MAMDC2: variants seen among roughly 807,000 people sequenced by gnomAD.
MAMDC2 encodes MAM domain-containing protein 2.
A neutral mutation model predicts 89.8 loss-of-function variants in MAMDC2; 57 were observed. That is an observed-to-expected ratio of 0.63 (90% confidence interval 0.51 to 0.79). The LOEUF (loss-of-function observed/expected upper bound fraction) is 0.79, where lower values mean the gene tolerates loss of function less well. Among genes scored for constraint, MAMDC2 ranks in the 30% least tolerant of loss-of-function variants. The probability of loss-of-function intolerance (pLI) is 0.00; values close to 1 mark genes in which losing one functional copy is unlikely to be tolerated. For synonymous variants in MAMDC2, 313 were observed against 293.4 expected (o/e 1.07, Z -0.68); for missense variants, 800 against 820.6 (o/e 0.97, Z 0.31).
At chr9:70,085,988 C>T (rs1320759715) in intron 2 of MAMDC2, 1 of 151,920 alleles carries the variant, frequency 6.6e-6, no homozygotes, top group East Asian at 1.9e-4. Context: ...AAATATTCAG[C>T]TACTGTTGGC....
intron 6 of MAMDC2, among the ~76,000 whole-genome samples, chr9:70,129,620 G>C (rs1185587627): frequency 6.6e-6 from 1 of 152,188 alleles, no homozygotes; most frequent in Non-Finnish European, 1.5e-5. Flanking sequence ...GTGGTGATCT[G>C]TCTGGCTGTG....
intron 4 of MAMDC2, 84 bp from the exon 5 acceptor site, chr9:70,112,911 T>C (rs3015223): frequency 1.9e-6 from 3 of 1,540,130 alleles, no homozygotes; most frequent in African/African-American, 2.7e-5. Flanking sequence ...AACTTCTGAA[T>C]ATCTAAGAGC....
intron 2 of MAMDC2, among the ~76,000 whole-genome samples, chr9:70,103,223 G>A (rs3015199): frequency 0.064 from 9,751 of 152,174 alleles, 994 homozygotes; most frequent in African/African-American, 0.21. Context: ...ATGGTGTTCT[G>A]CATTATTCCC....
chr9:70,160,918 G>T (rs1044513207), intron 9 of MAMDC2, among the ~76,000 whole-genome samples: 2 of 152,150 alleles, frequency 1.3e-5, no homozygotes, highest in African/African-American at 4.8e-5. Flanking sequence ...ATTAACTGGG[G>T]AGTTGCATCA....
intron 8 of MAMDC2, among the ~76,000 whole-genome samples, chr9:70,141,000 T>C (rs560085343): frequency 3.3e-5 from 5 of 152,212 alleles, no homozygotes; most frequent in African/African-American, 9.6e-5. Context: ...AAGAGCTTGA[T>C]CTCTAGGAGT....
At chr9:70,182,250 G>A (rs1050718522) in intron 11 of MAMDC2, among the ~76,000 whole-genome samples, 3 of 152,090 alleles carry the variant, frequency 2.0e-5, no homozygotes, top group Non-Finnish European at 4.4e-5. Context: ...TGCTGGATTC[G>A]GTTGGTCAGT....
intron 2 of MAMDC2, among the ~76,000 whole-genome samples, chr9:70,077,007 A>T (rs1161835220): frequency 1.3e-5 from 2 of 152,152 alleles, no homozygotes; most frequent in Non-Finnish European, 2.9e-5. Context: ...ATGCCAGGTC[A>T]CTCTTTTTCT....
chr9:70,203,594 C>T (rs1221815034), intron 11 of MAMDC2, among the ~76,000 whole-genome samples: 5 of 76,614 alleles, frequency 6.5e-5, no homozygotes, highest in African/African-American at 2.0e-4. Context: ...TGAATCTGAA[C>T]GTTGGCCTGC....
intron 12 of MAMDC2, among the ~76,000 whole-genome samples, chr9:70,220,741 A>G (rs544883607): frequency 6.6e-6 from 1 of 152,298 alleles, no homozygotes; most frequent in South Asian, 2.1e-4. Flanking sequence ...CTCCTACCAT[A>G]GAAGTTCCAA....
chr9:70,133,621 C>G (rs1029748261), intron 7 of MAMDC2, among the ~76,000 whole-genome samples: 1 of 152,180 alleles, frequency 6.6e-6, no homozygotes, highest in African/African-American at 2.4e-5. Context: ...GATTCACATC[C>G]CTATTCTGCC....
intron 2 of MAMDC2, among the ~76,000 whole-genome samples, chr9:70,104,077 TA>T: frequency 6.6e-6 from 1 of 151,768 alleles, no homozygotes; most frequent in Middle Eastern, 3.5e-3. Context: ...CCAGAATGTA[TA>T]AAACCTCTTA....
chr9:70,051,955 C>T (rs937699311), intron 2 of MAMDC2, among the ~76,000 whole-genome samples: 1 of 151,928 alleles, frequency 6.6e-6, no homozygotes, highest in African/African-American at 2.4e-5. Flanking sequence ...ATAGTTTCAC[C>T]TACAGAATGG....
chr9:70,158,343 C>G (rs1461789657), intron 9 of MAMDC2, among the ~76,000 whole-genome samples: 1 of 151,966 alleles, frequency 6.6e-6, no homozygotes, highest in Non-Finnish European at 1.5e-5. Context: ...GTATTAATTG[C>G]TGTATTTATA....
intron 2 of MAMDC2, among the ~76,000 whole-genome samples, chr9:70,096,345 G>C (rs1448086917): frequency 3.3e-5 from 5 of 152,110 alleles, no homozygotes; most frequent in African/African-American, 1.2e-4. Flanking sequence ...AACTAAGAAA[G>C]GCCCAGGCTA....
At chr9:70,081,245 A>G (rs1057421963) in intron 2 of MAMDC2, among the ~76,000 whole-genome samples, 2 of 152,014 alleles carry the variant, frequency 1.3e-5, no homozygotes, top group Non-Finnish European at 2.9e-5. Context: ...GGTTTGGTCT[A>G]GTGATAGATG....
At chr9:70,206,781 C>G (rs1219752402) in intron 11 of MAMDC2, among the ~76,000 whole-genome samples, 3 of 152,158 alleles carry the variant, frequency 2.0e-5, no homozygotes, top group Admixed American at 1.3e-4. Context: ...CTTCCTCTCT[C>G]TCCCCACCCC....
intron 2 of MAMDC2, among the ~76,000 whole-genome samples, chr9:70,100,891 G>A (rs1487308638): frequency 6.6e-6 from 1 of 152,188 alleles, no homozygotes; most frequent in African/African-American, 2.4e-5. Flanking sequence ...ATTTCTCTCT[G>A]TCTCTGCAAT....
chr9:70,217,787 CAA>C, intron 11 of MAMDC2: 1 of 711,656 alleles, frequency 1.4e-6, no homozygotes, highest in East Asian at 2.7e-5. Context: ...GGACAGGAAA[CAA>C]ATAATGGAAT....
chr9:70,067,996 C>T (rs1330434302), intron 2 of MAMDC2, among the ~76,000 whole-genome samples: 1 of 152,144 alleles, frequency 6.6e-6, no homozygotes, highest in Admixed American at 6.5e-5. Flanking sequence ...AAGAGAATCC[C>T]TAATCTGTGT....
Sources: gnomAD v4.1 joint callset for allele counts (sites outside exome capture counted in the v4.1 genomes callset) on GRCh38, gnomAD v4.1.1 for gene constraint, MANE v1.5 for transcripts, NCBI Gene and HGNC (gene_info 2026-07-23, HGNC 2026-07-21) for gene names.